The following RBFOX1 variants were observed in gnomAD, a reference collection of about 807,000 sequenced individuals.
RBFOX1 encodes RNA binding protein fox-1 homolog 1.
RBFOX1 carries 8 observed loss-of-function variants against 57.7 expected under a neutral mutation model. The ratio of observed to expected loss-of-function variants is 0.14; its 90% CI spans 0.08 to 0.25. The LOEUF (loss-of-function observed/expected upper bound fraction) is 0.25. Ranked by LOEUF, RBFOX1 falls within the 10% of genes least tolerant of loss-of-function variation. RBFOX1 has a pLI of 1.00. For synonymous variants in RBFOX1, 326 were observed against 222.4 expected (o/e 1.47, Z -4.15); for missense variants, 611 against 548.5 (o/e 1.11, Z -1.14).
chr16:5,479,238 G>T (rs747096913), intron 2 of RBFOX1, among the ~76,000 whole-genome samples: 1 of 151,996 alleles, frequency 6.6e-6, no homozygotes, highest in Non-Finnish European at 1.5e-5. Context: ...GCTGTCATTT[G>T]ATTGGCACCA....
At chr16:5,966,895 A>T (rs1212310674) in intron 4 of RBFOX1, among the ~76,000 whole-genome samples, 2 of 147,970 alleles carry the variant, frequency 1.4e-5, no homozygotes, top group Non-Finnish European at 3.0e-5. Context: ...CCTCTTCCCA[A>T]ACAGCCTTTG....
chr16:7,029,196 ATG>A lies in RBFOX1; in HGVS notation c.-15-22859_-15-22858del, dbSNP rs1216480504. On this transcript the variant is annotated intron_variant, in intron 3 of 15. Coordinates refer to ENST00000550418, the MANE Select transcript of RBFOX1 (RefSeq NM_018723.4). ...TACGTATACGTGTATATATACACAT[ATG>A]TATACGTATACGTATATATATACAC... is the stretch of plus-strand genomic sequence containing the variant. Among the ~76,000 whole-genome samples the A allele has an allele frequency of 1.8e-4, 16 of 91,422 alleles. 3 individuals are homozygous for A. Among genetic ancestry groups the A allele is most frequent in the Admixed American group, 1.1e-3 (9 of 8,060 alleles). 60.0% of individuals were successfully genotyped at this position (91,422 alleles called of 152,430 possible). A position where few individuals can be genotyped will look rare whatever the true frequency, so the allele number is the denominator to read the frequency against.
At chr16:5,981,586 A>C (rs1022946039) in intron 4 of RBFOX1, among the ~76,000 whole-genome samples, 1 of 152,096 alleles carries the variant, frequency 6.6e-6, no homozygotes, top group African/African-American at 2.4e-5. Context: ...CTCCTGCTTC[A>C]GCCTCATGAG....
chr16:6,841,524 C>G (rs544686963), intron 3 of RBFOX1, among the ~76,000 whole-genome samples: 14 of 152,262 alleles, frequency 9.2e-5, no homozygotes, highest in African/African-American at 3.1e-4. Flanking sequence ...TTCTGAACAA[C>G]CTAACCTCAC....
At chr16:6,349,265 C>A (rs1464796639) in intron 2 of RBFOX1, among the ~76,000 whole-genome samples, 1 of 152,162 alleles carries the variant, frequency 6.6e-6, no homozygotes, top group Non-Finnish European at 1.5e-5. Context: ...CCTTACCTAG[C>A]CGACGACTTG....
chr16:7,657,977 A>G (rs773470536), intron 12 of RBFOX1, among the ~76,000 whole-genome samples: 3 of 152,158 alleles, frequency 2.0e-5, no homozygotes, highest in Non-Finnish European at 4.4e-5. Context: ...TTCTACCCAT[A>G]CTGGCTTGGA....
At chr16:6,355,833 CTA>C in intron 2 of RBFOX1, among the ~76,000 whole-genome samples, 1 of 152,122 alleles carries the variant, frequency 6.6e-6, no homozygotes, top group East Asian at 1.9e-4. Context: ...CCTTCGTATT[CTA>C]TATTCTTTCA....
chr16:5,868,289 T>C (rs1398009281), intron 4 of RBFOX1, among the ~76,000 whole-genome samples: 1 of 152,200 alleles, frequency 6.6e-6, no homozygotes, highest in South Asian at 2.1e-4. Flanking sequence ...AGTGTTGCAT[T>C]ATTGGAACCC....
intron 4 of RBFOX1, among the ~76,000 whole-genome samples, chr16:5,984,946 T>TTTTA (rs1450037668): frequency 8.6e-5 from 6 of 69,660 alleles, no homozygotes; most frequent in South Asian, 6.3e-4. Context: ...GGCAACTCCA[T>TTTTA]TATATATATA....
intron 4 of RBFOX1, among the ~76,000 whole-genome samples, chr16:7,091,560 T>C (rs2060859408): frequency 6.6e-6 from 1 of 152,060 alleles, no homozygotes; most frequent in Non-Finnish European, 1.5e-5. Context: ...AAATGCATCA[T>C]TTTTTCTACA....
chr16:6,696,365 T>A (rs2061047528), intron 3 of RBFOX1, among the ~76,000 whole-genome samples: 1 of 152,178 alleles, frequency 6.6e-6, no homozygotes, highest in South Asian at 2.1e-4. Context: ...TTCTTTATAA[T>A]ATGCAGTGAG....
intron 2 of RBFOX1, among the ~76,000 whole-genome samples, chr16:6,618,024 C>T (rs978912339): frequency 6.6e-6 from 1 of 152,168 alleles, no homozygotes; most frequent in Non-Finnish European, 1.5e-5. Context: ...AATACCTCCT[C>T]ATATGCATGC....
chr16:5,932,352 T>C (rs2059078592), intron 4 of RBFOX1, among the ~76,000 whole-genome samples: 1 of 152,182 alleles, frequency 6.6e-6, no homozygotes, highest in South Asian at 2.1e-4. Context: ...AGAGCCTCAG[T>C]CCTGAAACGT....
At chr16:7,337,964 T>C (rs2096824805) in intron 4 of RBFOX1, among the ~76,000 whole-genome samples, 1 of 152,246 alleles carries the variant, frequency 6.6e-6, no homozygotes. Flanking sequence ...ATTACAGGCA[T>C]GAGCCACCAT....
At chr16:5,922,685 T>C (rs1397823569) in intron 4 of RBFOX1, among the ~76,000 whole-genome samples, 2 of 152,240 alleles carry the variant, frequency 1.3e-5, no homozygotes, top group Admixed American at 6.5e-5. Flanking sequence ...AATTTATTTA[T>C]CTATTCATTC....
At chr16:7,434,222 C>T (rs971404922) in intron 4 of RBFOX1, among the ~76,000 whole-genome samples, 20 of 152,094 alleles carry the variant, frequency 1.3e-4, no homozygotes, top group Middle Eastern at 6.8e-3. Flanking sequence ...CTATAATCCC[C>T]GCATTTTGGG....
intron 3 of RBFOX1, among the ~76,000 whole-genome samples, chr16:6,868,305 A>C (rs2060282703): frequency 6.6e-6 from 1 of 152,158 alleles, no homozygotes; most frequent in African/African-American, 2.4e-5. Flanking sequence ...TGGTTTGCTG[A>C]AGTAAGAGGA....
intron 4 of RBFOX1, among the ~76,000 whole-genome samples, chr16:7,361,819 AGTGT>A (rs1446746471): frequency 2.0e-5 from 3 of 151,712 alleles, no homozygotes; most frequent in African/African-American, 7.3e-5. Flanking sequence ...TATGTGTGTT[AGTGT>A]GTGTATGATT....
intron 2 of RBFOX1, among the ~76,000 whole-genome samples, chr16:6,348,945 G>A (rs1028434013): frequency 6.6e-6 from 1 of 152,168 alleles, no homozygotes; most frequent in Non-Finnish European, 1.5e-5. Context: ...GATGGACAGA[G>A]GCAGATTTGC....
Sources: gnomAD v4.1 joint callset for allele counts (sites outside exome capture counted in the v4.1 genomes callset) on GRCh38, gnomAD v4.1.1 for gene constraint, MANE v1.5 for transcripts, NCBI Gene and HGNC (gene_info 2026-07-23, HGNC 2026-07-21) for gene names.